The following MEGF11 variants were observed in gnomAD, a reference collection of about 807,000 sequenced individuals.
MEGF11 encodes the protein multiple epidermal growth factor-like domains protein 11.
Under a neutral mutation model 146.6 loss-of-function variants are expected in MEGF11, and 126 were observed. The ratio of observed to expected loss-of-function variants is 0.86; its 90% CI spans 0.74 to 1.00. The LOEUF is 1.00. MEGF11 is among the 50% of genes least tolerant of loss of function. MEGF11 has a pLI of 0.00. For synonymous variants in MEGF11, 532 were observed against 583.4 expected, an observed-to-expected ratio of 0.91 and a Z score of 1.27; for missense variants, 1,509 against 1,521.2, an observed-to-expected ratio of 0.99 and a Z score of 0.13.
intron 5 of MEGF11, among the ~76,000 whole-genome samples, chr15:66,005,128 G>A (rs2082481533): frequency 6.6e-6 from 1 of 152,142 alleles, no homozygotes; most frequent in African/African-American, 2.4e-5. Flanking sequence ...CAAATTAATG[G>A]TTTAATTTCC....
At chr15:66,248,362 T>A (rs2092325619) in intron 1 of MEGF11, among the ~76,000 whole-genome samples, 1 of 152,240 alleles carries the variant, frequency 6.6e-6, no homozygotes, top group African/African-American at 2.4e-5. Flanking sequence ...CTCTGTCACT[T>A]GCAGCCTTCA....
intron 5 of MEGF11, among the ~76,000 whole-genome samples, chr15:66,082,663 ACT>A (rs1390321488): frequency 8.5e-6 from 1 of 117,902 alleles, no homozygotes; most frequent in Non-Finnish European, 1.8e-5. Flanking sequence ...ATGGAGCAAG[ACT>A]CTGTCTCAAA....
intron 1 of MEGF11, among the ~76,000 whole-genome samples, chr15:66,184,605 A>C (rs1174503393): frequency 1.6e-5 from 2 of 128,306 alleles, no homozygotes; most frequent in Non-Finnish European, 3.1e-5. Context: ...AAAATCCTTC[A>C]AGATGGAAGG....
chr15:66,119,007 C>G (rs2087873269), intron 4 of MEGF11, 79 bp downstream of exon 4: 1 of 933,150 alleles, frequency 1.1e-6, no homozygotes, highest in Non-Finnish European at 1.7e-6. Context: ...GGATATCAGC[C>G]CCACCTCCCC....
intron 5 of MEGF11, among the ~76,000 whole-genome samples, chr15:65,988,051 A>T: frequency 8.1e-6 from 1 of 123,352 alleles, no homozygotes; most frequent in East Asian, 2.7e-4. Flanking sequence ...TCTGTCCCCC[A>T]GGCTGGAGTG....
chr15:66,168,052 C>A (rs1177473463), intron 1 of MEGF11, among the ~76,000 whole-genome samples: 1 of 152,146 alleles, frequency 6.6e-6, no homozygotes, highest in East Asian at 1.9e-4. Flanking sequence ...ACATCTGATC[C>A]TATCAACCCT....
intron 1 of MEGF11, among the ~76,000 whole-genome samples, chr15:66,243,315 G>C (rs2092246568): frequency 6.6e-6 from 1 of 152,198 alleles, no homozygotes; most frequent in Non-Finnish European, 1.5e-5. Context: ...AGGACTCCCT[G>C]CTAATGCTGG....
chr15:65,902,773 G>T (rs1011853214), intron 24 of MEGF11, among the ~76,000 whole-genome samples: 2 of 152,182 alleles, frequency 1.3e-5, no homozygotes, highest in African/African-American at 4.8e-5. Context: ...GTCTCATCTG[G>T]TTCCTGCCTC....
intron 1 of MEGF11, among the ~76,000 whole-genome samples, chr15:66,242,489 G>A (rs960853884): frequency 1.6e-5 from 2 of 124,594 alleles, no homozygotes; most frequent in Non-Finnish European, 3.4e-5. Flanking sequence ...GAGGGAGGGA[G>A]ATAGGGAGGG....
At chr15:66,100,303 C>T (rs2086735966) in intron 4 of MEGF11, among the ~76,000 whole-genome samples, 1 of 152,202 alleles carries the variant, frequency 6.6e-6, no homozygotes. Context: ...CTCCCCCTAC[C>T]TGCTCCTGAC....
At position 65,972,785 on chromosome 15, in the gene MEGF11, C is replaced by T. The variant is rs72742842; in HGVS notation, c.763-2096G>A. Among the ~76,000 whole-genome samples the T allele has an allele frequency of 9.1e-3, 1,387 of 152,298 alleles. 18 individuals carry two copies. The highest frequency in any genetic ancestry group is 0.014 in the Non-Finnish European group (986 of 68,026). ...CCTCAAAAAGTTAACCTTCCATAAACACTTTCTCAGAAAGCTATTGTAGGA... is the reference window on the plus strand; with the variant it reads ...CCTCAAAAAGTTAACCTTCCATAAATACTTTCTCAGAAAGCTATTGTAGGA... On this transcript the variant is annotated intron_variant, in intron 7 of 25. Transcript: ENST00000395614.
intron 5 of MEGF11, among the ~76,000 whole-genome samples, chr15:66,048,751 C>T (rs117941322): frequency 0.012 from 1,837 of 152,220 alleles, 21 homozygotes; most frequent in Non-Finnish European, 0.021. Flanking sequence ...TCCACAGGGG[C>T]CTAACTTGCC....
chr15:66,006,108 C>T (rs1417325707), intron 5 of MEGF11, among the ~76,000 whole-genome samples: 1 of 152,318 alleles, frequency 6.6e-6, no homozygotes, highest in Non-Finnish European at 1.5e-5. Flanking sequence ...TAAGACCTGA[C>T]CTCATAGAGA....
intron 10 of MEGF11, among the ~76,000 whole-genome samples, chr15:65,944,673 C>A (rs755492798): frequency 2.0e-5 from 3 of 152,146 alleles, no homozygotes; most frequent in Admixed American, 2.0e-4. Flanking sequence ...TGGGCCCTTC[C>A]TCTCTGGCTG....
intron 8 of MEGF11, among the ~76,000 whole-genome samples, chr15:65,966,246 G>C (rs906454706): frequency 6.6e-6 from 1 of 152,054 alleles, no homozygotes; most frequent in Non-Finnish European, 1.5e-5. Flanking sequence ...CGCCTGCCTC[G>C]GTCTCCCAAA....
At chr15:66,067,372 A>C (rs11633172) in intron 5 of MEGF11, among the ~76,000 whole-genome samples, 31,025 of 152,232 alleles carry the variant, frequency 0.2, 3,558 homozygotes, top group Middle Eastern at 0.33. Flanking sequence ...CTGTCACCTT[A>C]TTAGAGCCTC....
chr15:65,946,240 C>T (rs59566785), intron 10 of MEGF11, among the ~76,000 whole-genome samples: 29 of 152,314 alleles, frequency 1.9e-4, no homozygotes, highest in African/African-American at 6.5e-4. Flanking sequence ...TCACAACCGT[C>T]CTACAAGAAA....
At chr15:65,957,343 G>T (rs1231569158) in intron 10 of MEGF11, among the ~76,000 whole-genome samples, 1 of 152,202 alleles carries the variant, frequency 6.6e-6, no homozygotes, top group Non-Finnish European at 1.5e-5. Context: ...GTGATGGAAA[G>T]ACCCCCTCCT....
intron 1 of MEGF11, among the ~76,000 whole-genome samples, chr15:66,173,284 T>A (rs61310495): frequency 0.012 from 1,821 of 152,260 alleles, 31 homozygotes; most frequent in African/African-American, 0.042. Context: ...CTTTTTTACA[T>A]AAGTCCTTCA....
Sources: gnomAD v4.1 joint callset for allele counts (sites outside exome capture counted in the v4.1 genomes callset) on GRCh38, gnomAD v4.1.1 for gene constraint, MANE v1.5 for transcripts, NCBI Gene and HGNC (gene_info 2026-07-23, HGNC 2026-07-21) for gene names.